SOX13: variants seen among roughly 807,000 people sequenced by gnomAD.
The protein encoded by SOX13 is transcription factor SOX-13.
Under a neutral mutation model 71.8 loss-of-function variants are expected in SOX13, and 28 were observed. That is an observed-to-expected ratio of 0.39 (90% CI 0.29 to 0.53). The LOEUF (loss-of-function observed/expected upper bound fraction) is 0.53. Among genes scored for constraint, SOX13 ranks in the 20% least tolerant of loss-of-function variants. The pLI is 0.70. For missense variants in SOX13, 627 were observed against 810.3 expected, an observed-to-expected ratio of 0.77 and a Z score of 2.75; for synonymous variants, 309 against 317.8, an observed-to-expected ratio of 0.97 and a Z score of 0.29.
intron 6 of SOX13, among the ~76,000 whole-genome samples, 166 bp from the exon 7 acceptor site, chr1:204,117,427 G>T (rs754287792): frequency 6.6e-6 from 1 of 152,214 alleles, no homozygotes; most frequent in African/African-American, 2.4e-5. Context: ...CAGGTAGACA[G>T]GGGCCCACAG....
chr1:204,074,970 G>C (rs2102215073), intron 1 of SOX13, among the ~76,000 whole-genome samples: 1 of 151,730 alleles, frequency 6.6e-6, no homozygotes, highest in African/African-American at 2.4e-5. Context: ...CTGGTGAAGG[G>C]GTCTGGCCAA....
chr1:204,107,783 C>G (rs542351067), intron 1 of SOX13, among the ~76,000 whole-genome samples: 157 of 152,246 alleles, frequency 1.0e-3, no homozygotes, highest in African/African-American at 3.7e-3. Flanking sequence ...ACAAGTGGGC[C>G]CAGAGGATAC....
chr1:204,098,247 G>A (rs1219510263), intron 1 of SOX13, among the ~76,000 whole-genome samples: 7 of 152,204 alleles, frequency 4.6e-5, no homozygotes, highest in African/African-American at 1.7e-4. Context: ...GGAGGCCAAG[G>A]CGGGCAGATC....
At chr1:204,099,746 T>C (rs1656323984) in intron 1 of SOX13, among the ~76,000 whole-genome samples, 1 of 152,148 alleles carries the variant, frequency 6.6e-6, no homozygotes, top group Non-Finnish European at 1.5e-5. Flanking sequence ...AAAGTGGAGA[T>C]GATAATATGA....
At chr1:204,095,127 A>G (rs1656225714) in intron 1 of SOX13, among the ~76,000 whole-genome samples, 1 of 152,202 alleles carries the variant, frequency 6.6e-6, no homozygotes, top group South Asian at 2.1e-4. Context: ...CCGTACAGTA[A>G]GTCTCCCAGG....
chr1:204,113,393 C>T (rs185247833), intron 2 of SOX13, among the ~76,000 whole-genome samples: 1 of 152,348 alleles, frequency 6.6e-6, no homozygotes, highest in Admixed American at 6.5e-5. Flanking sequence ...CTATGTGTGA[C>T]CCAGTCCTTG....
chr1:204,075,540 A>G (rs751695784), intron 1 of SOX13, among the ~76,000 whole-genome samples: 3 of 152,198 alleles, frequency 2.0e-5, no homozygotes, highest in Non-Finnish European at 2.9e-5. Context: ...TATGCACCCA[A>G]CTTTGAAACT....
At chr1:204,088,509 C>T (rs1489495025) in intron 1 of SOX13, among the ~76,000 whole-genome samples, 2 of 152,204 alleles carry the variant, frequency 1.3e-5, no homozygotes, top group African/African-American at 4.8e-5. Flanking sequence ...TATCCCCAGG[C>T]ACATTCAGAT....
intron 1 of SOX13, among the ~76,000 whole-genome samples, chr1:204,102,354 C>T (rs1234620682): frequency 6.6e-6 from 1 of 152,200 alleles, no homozygotes; most frequent in East Asian, 1.9e-4. Flanking sequence ...AATGATATAG[C>T]ACTTCACCCT....
chr1:204,104,257 G>A (rs1447436068), intron 1 of SOX13, among the ~76,000 whole-genome samples: 1 of 152,208 alleles, frequency 6.6e-6, no homozygotes, highest in Non-Finnish European at 1.5e-5. Context: ...AGTGTTGGCT[G>A]TGGCCCCCCT....
chr1:204,076,446 C>G (rs1168804613), intron 1 of SOX13, among the ~76,000 whole-genome samples: 1 of 152,206 alleles, frequency 6.6e-6, no homozygotes, highest in Non-Finnish European at 1.5e-5. Flanking sequence ...TGGAATAGCA[C>G]AGCTGCTTGG....
At position 204,122,332 on chromosome 1, in the gene SOX13, G is replaced by A. The variant is rs1219525086; in HGVS notation, c.957G>A (p.Val319=). Residue 319 remains valine (V), a synonymous_variant, in exon 9 of 14, where the codon GTG becomes GTA. Transcript: ENST00000367204. The stretch of plus-strand genomic sequence containing the variant: ...CAAGCCTGAAGATGAGCAGCTGTGT[G>A]CCCCGCCCCCCCAGCCATGGAGGCC... ...SSPSLKMSSC[V]PRPPSHGGPT... 1 of 1,566,514 alleles carries A rather than the reference G, an allele frequency of 6.4e-7. No individual in the cohort carries two copies.
intron 12 of SOX13, among the ~76,000 whole-genome samples, 181 bp from the exon 13 acceptor site, chr1:204,124,460 C>A (rs1656876427): frequency 6.6e-6 from 1 of 152,260 alleles, no homozygotes; most frequent in Non-Finnish European, 1.5e-5. Context: ...TACAGGCCAA[C>A]TTCATTCATT....
At chr1:204,112,874 C>T (rs2293336) in intron 1 of SOX13, 41 bp from the exon 2 acceptor site, 601,993 of 1,550,520 alleles carry the variant, frequency 0.39, 121,580 homozygotes, top group Admixed American at 0.49. Context: ...CAGAAGTTTA[C>T]GACTGGGGAC....
intron 1 of SOX13, among the ~76,000 whole-genome samples, chr1:204,079,806 A>T (rs1417526445): frequency 6.6e-6 from 1 of 152,176 alleles, no homozygotes; most frequent in Non-Finnish European, 1.5e-5. Flanking sequence ...GAGGACCTCC[A>T]TGGTCTCAGA....
At chr1:204,091,361 AT>A (rs1284125134) in intron 1 of SOX13, among the ~76,000 whole-genome samples, 2 of 152,172 alleles carry the variant, frequency 1.3e-5, no homozygotes, top group African/African-American at 4.8e-5. Context: ...CAGCATGAGC[AT>A]GCTTATATTG....
At chr1:204,078,959 C>A (rs899427308) in intron 1 of SOX13, among the ~76,000 whole-genome samples, 1 of 152,172 alleles carries the variant, frequency 6.6e-6, no homozygotes, top group Non-Finnish European at 1.5e-5. Flanking sequence ...TGCCATGGAC[C>A]CAGCTTAAAG....
chr1:204,088,444 C>G (rs1656069608), intron 1 of SOX13, among the ~76,000 whole-genome samples: 2 of 152,164 alleles, frequency 1.3e-5, no homozygotes. Context: ...GGGGCTTTGT[C>G]CATATTTACA....
chr1:204,117,235 G>T, intron 6 of SOX13, 45 bp downstream of exon 6: 1 of 1,557,566 alleles, frequency 6.4e-7, no homozygotes, highest in Non-Finnish European at 8.9e-7. Flanking sequence ...GCAGTTGAGG[G>T]AGTTGACACC....
Sources: allele counts gnomAD v4.1 joint callset (sites outside exome capture counted in the v4.1 genomes callset), GRCh38; gene constraint gnomAD v4.1.1; transcripts MANE v1.5; gene names NCBI Gene and HGNC (gene_info 2026-07-23, HGNC 2026-07-21).